The following CTIF variants were observed in gnomAD, a reference collection of about 807,000 sequenced individuals.
CTIF encodes cap binding complex dependent translation initiation factor.
Under a neutral mutation model 66.0 loss-of-function variants are expected in CTIF, and 21 were observed. That is an observed-to-expected ratio of 0.32 (90% CI 0.23 to 0.46). CTIF has a LOEUF of 0.46. CTIF is among the 20% of genes least tolerant of loss of function. CTIF has a pLI of 1.00. For synonymous variants in CTIF, 345 were observed against 326.4 expected, an observed-to-expected ratio of 1.06 and a Z score of -0.62; for missense variants, 739 against 812.7, an observed-to-expected ratio of 0.91 and a Z score of 1.10.
chr18:48,768,309 C>A (rs1368590570), intron 9 of CTIF, among the ~76,000 whole-genome samples: 2 of 152,160 alleles, frequency 1.3e-5, no homozygotes, highest in African/African-American at 4.8e-5. Flanking sequence ...CGGCTGTCCC[C>A]AGCTCCTGGC....
At chr18:48,570,123 A>G (rs1370295124) in intron 1 of CTIF, among the ~76,000 whole-genome samples, 1 of 152,228 alleles carries the variant, frequency 6.6e-6, no homozygotes, top group Non-Finnish European at 1.5e-5. Flanking sequence ...GCAGAGATCC[A>G]AACCCCTTGT....
At chr18:48,796,366 CG>C (rs1568226223) in intron 9 of CTIF, among the ~76,000 whole-genome samples, 1 of 151,916 alleles carries the variant, frequency 6.6e-6, no homozygotes, top group African/African-American at 2.4e-5. Flanking sequence ...TTAGTAGAAA[CG>C]GGGTTTCACC....
intron 6 of CTIF, among the ~76,000 whole-genome samples, chr18:48,688,728 C>G (rs954270228): frequency 6.6e-6 from 1 of 152,156 alleles, no homozygotes; most frequent in Non-Finnish European, 1.5e-5. Context: ...ATAATGAATC[C>G]GAATGATTGG....
chr18:48,661,193 A>C (rs2091339363), intron 3 of CTIF, among the ~76,000 whole-genome samples: 1 of 152,232 alleles, frequency 6.6e-6, no homozygotes, highest in Non-Finnish European at 1.5e-5. Context: ...TTCATGTAAG[A>C]GAGCAGTGAC....
intron 6 of CTIF, among the ~76,000 whole-genome samples, chr18:48,685,606 C>T (rs1348365806): frequency 6.6e-6 from 1 of 152,150 alleles, no homozygotes; most frequent in African/African-American, 2.4e-5. Context: ...ACAGGGATTT[C>T]GTGATGTTGA....
chr18:48,801,842 G>A (rs2068055372), intron 9 of CTIF, among the ~76,000 whole-genome samples: 1 of 152,216 alleles, frequency 6.6e-6, no homozygotes, highest in South Asian at 2.1e-4. Context: ...GGTCCAGGCA[G>A]AAACCGTGGA....
intron 7 of CTIF, among the ~76,000 whole-genome samples, chr18:48,729,867 C>T (rs1483665304): frequency 6.6e-6 from 1 of 152,176 alleles, no homozygotes; most frequent in African/African-American, 2.4e-5. Flanking sequence ...AGGGAGCACC[C>T]AGTGGTGGGA....
chr18:48,674,872 G>T (rs1260673400), intron 6 of CTIF, among the ~76,000 whole-genome samples: 1 of 152,186 alleles, frequency 6.6e-6, no homozygotes, highest in Non-Finnish European at 1.5e-5. Flanking sequence ...TGTCCCCAAG[G>T]TCTTCCTTCC....
At chr18:48,675,677 G>C (rs965237740) in intron 6 of CTIF, among the ~76,000 whole-genome samples, 2 of 152,228 alleles carry the variant, frequency 1.3e-5, no homozygotes, top group African/African-American at 4.8e-5. Flanking sequence ...TCCCCTGCTA[G>C]GCCAAGGCAT....
chr18:48,552,887 C>T (rs975437402), intron 1 of CTIF, among the ~76,000 whole-genome samples: 4 of 152,192 alleles, frequency 2.6e-5, no homozygotes, highest in Non-Finnish European at 5.9e-5. Flanking sequence ...TCTGGCTGCT[C>T]TCAGGGAAGT....
At chr18:48,799,445 C>T (rs1274473479) in intron 9 of CTIF, among the ~76,000 whole-genome samples, 1 of 152,042 alleles carries the variant, frequency 6.6e-6, no homozygotes, top group Admixed American at 6.6e-5. Flanking sequence ...TTGGGTCCTA[C>T]TGGATCCCAT....
chr18:48,844,359 C>T lies in CTIF; in HGVS notation c.1528-13229C>T, dbSNP rs533225535. On this transcript the variant is annotated intron_variant, in intron 10 of 11. Transcript: ENST00000256413. ...CTGGAGCTTGGTCCACAGGAGAAGC[C>T]GCTGGAGTTGTAGCCCTGCCTTCTG... is the stretch of plus-strand genomic sequence containing the variant. Among the ~76,000 whole-genome samples the T allele has an allele frequency of 1.8e-4, 28 of 152,302 alleles. No homozygotes were observed. In the South Asian group the frequency reaches 4.4e-3, roughly 24 times the overall value.
intron 1 of CTIF, among the ~76,000 whole-genome samples, chr18:48,594,329 A>T (rs961717563): frequency 1.2e-5 from 1 of 80,036 alleles, no homozygotes; most frequent in South Asian, 5.0e-4. Flanking sequence ...CCCCACCCCC[A>T]CCCCACCCCG....
At chr18:48,775,048 A>C (rs901447685) in intron 9 of CTIF, among the ~76,000 whole-genome samples, 1 of 152,170 alleles carries the variant, frequency 6.6e-6, no homozygotes, top group African/African-American at 2.4e-5. Context: ...CTTCCCTGCC[A>C]TAGACCCTTC....
chr18:48,710,198 G>A (rs1288908766), intron 6 of CTIF, among the ~76,000 whole-genome samples: 1 of 152,232 alleles, frequency 6.6e-6, no homozygotes, highest in African/African-American at 2.4e-5. Flanking sequence ...GTAACCCACA[G>A]GACTATGATC....
At chr18:48,725,074 G>T (rs1431510142) in intron 7 of CTIF, among the ~76,000 whole-genome samples, 1 of 152,238 alleles carries the variant, frequency 6.6e-6, no homozygotes, top group Non-Finnish European at 1.5e-5. Flanking sequence ...TTCTGGGGTG[G>T]TGTGCATGTT....
At chr18:48,824,186 G>A (rs1273044495) in intron 10 of CTIF, among the ~76,000 whole-genome samples, 1 of 152,128 alleles carries the variant, frequency 6.6e-6, no homozygotes, top group Non-Finnish European at 1.5e-5. Context: ...TAAAAAACTT[G>A]TACACTGAAA....
intron 9 of CTIF, among the ~76,000 whole-genome samples, chr18:48,786,961 TC>T (rs1318702259): frequency 6.6e-6 from 1 of 151,978 alleles, no homozygotes; most frequent in Non-Finnish European, 1.5e-5. Context: ...AAATCTCCCT[TC>T]CCCTACCCCA....
intron 7 of CTIF, among the ~76,000 whole-genome samples, chr18:48,727,475 A>C (rs2092396068): frequency 6.6e-6 from 1 of 152,188 alleles, no homozygotes; most frequent in Admixed American, 6.5e-5. Context: ...GGGAGGTCCA[A>C]GAGCTTCTTT....
Sources: allele counts gnomAD v4.1 joint callset (sites outside exome capture counted in the v4.1 genomes callset), GRCh38; gene constraint gnomAD v4.1.1; transcripts MANE v1.5; gene names NCBI Gene and HGNC (gene_info 2026-07-23, HGNC 2026-07-21).